Variants in RIBC1 observed in about 807,000 individuals in gnomAD.
RIBC1 encodes RIB43A-like with coiled-coils protein 1.
In RIBC1, 12 loss-of-function variants were observed where a neutral mutation model predicts 33.7. The observed-to-expected ratio is 0.36, with a 90% confidence interval of 0.23 to 0.58. The LOEUF is 0.58. Ranked by LOEUF, RIBC1 falls within the 20% of genes least tolerant of loss-of-function variation. The pLI is 0.81. For synonymous variants in RIBC1, 89 were observed against 109.0 expected, an observed-to-expected ratio of 0.82 and a Z score of 1.14; for missense variants, 242 against 311.6, an observed-to-expected ratio of 0.78 and a Z score of 1.68.
At chrX:53,430,042 C>G (rs2075814592) in intron 6 of RIBC1, 70 bp downstream of exon 6, 2 of 886,386 alleles carry the variant, frequency 2.3e-6, no homozygotes. Flanking sequence ...GAACCTTAGC[C>G]ATATTCTTCC....
intron 2 of RIBC1, among the ~76,000 whole-genome samples, chrX:53,424,167 T>A (rs1199676990): frequency 9.0e-6 from 1 of 110,995 alleles, no homozygotes; most frequent in East Asian, 2.8e-4. Flanking sequence ...GCTGAGGGGA[T>A]AAAATGGCTA....
Position 53,429,968 on chromosome X carries a change from C to T in RIBC1, c.659C>T (p.Ala220Val), listed in dbSNP as rs1403143506. The change falls in exon 6 of 8, where the codon GCG (alanine) becomes GTG (valine). Residue 220 changes from alanine to valine, a missense_variant. By Grantham distance (64) the Ala-to-Val change is moderately conservative. Transcript: ENST00000375327. ...MMCAMANANK[A>V]QAAVQAGRQR... Reference sequence around the variant, plus strand: ...TGTGCCATGGCCAACGCCAACAAAGCGCAGGTATGGCCTGAGCCATGCAGT... The same window carrying T: ...TGTGCCATGGCCAACGCCAACAAAGTGCAGGTATGGCCTGAGCCATGCAGT... The T allele has an allele frequency of 2.5e-6, 3 of 1,197,957 alleles. No individual in the cohort carries two copies. The highest frequency in any genetic ancestry group is 4.9e-4 in the Middle Eastern group (2 of 4,046).
At chrX:53,424,251 A>G (rs1231911574) in intron 2 of RIBC1, among the ~76,000 whole-genome samples, 1 of 110,338 alleles carries the variant, frequency 9.1e-6, no homozygotes, top group East Asian at 2.9e-4. Flanking sequence ...AGCCTGGGTA[A>G]CATAGCAAAA....
In RIBC1 at chrX:53,428,445, A is replaced by G. The variant is rs1556893586; in HGVS notation, c.362A>G (p.Lys121Arg). Residue 121 changes from lysine (K) to arginine (R), a missense_variant, in exon 5 of 8, where the codon AAG becomes AGG. Physicochemically the swap from Lys to Arg is conservative, Grantham distance 26 (BLOSUM62 2). Transcript: ENST00000375327. ...FSLWDPGQVW[K>R]GLPTYLSYSN... ...CTTTGGGATCCAGGCCAAGTCTGGA[A>G]GGGGCTTCCAACCTATCTTAGTTAC... 2.5e-6 allele frequency: 3 copies of G among 1,210,396 alleles called. No individual in the cohort carries two copies.
chrX:53,430,907 GC>G lies in RIBC1; in HGVS notation c.1060del (p.Gln354ArgfsTer4), dbSNP rs781951192. ...TGAGACCTCTGGACTTCTTTCACAG[GC>G]AGGATTACCTGAATTCAGTAATCTA... ...QQLANEQKAQ[Q>X]DYLNSVIYTN... On this transcript the variant is annotated frameshift_variant and splice_region_variant, in exon 8 of 8. Transcript: ENST00000375327. LOFTEE classifies it high-confidence loss of function. 1.7e-6 allele frequency: 2 copies of G among 1,210,588 alleles called. No homozygotes were observed. Among genetic ancestry groups the G allele is most frequent in the Admixed American group, 4.4e-5 (2 of 45,906 alleles).
intron 3 of RIBC1, among the ~76,000 whole-genome samples, chrX:53,426,697 A>C (rs1246199281): frequency 8.9e-6 from 1 of 111,882 alleles, no homozygotes; most frequent in African/African-American, 3.3e-5. Flanking sequence ...CCTAAAGAAT[A>C]TTTGGAGTCC....
At position 53,430,998 on chromosome X, in the gene RIBC1, GTCTA is replaced by G; in HGVS notation, c.*14_*17del. The G allele has an allele frequency of 3.3e-6, 4 of 1,211,805 alleles. No individual in the cohort carries two copies. The highest frequency in any genetic ancestry group is 3.5e-5 in the South Asian group (2 of 56,994). The stretch of plus-strand genomic sequence containing the variant: ...CACCAGCAGCCGCTAAGTTCAGGAT[GTCTA>G]TCTCTCTCTCCCTTCTCCTCCATCA... On this transcript the variant is annotated 3_prime_UTR_variant, in exon 8 of 8. Transcript: ENST00000375327.
intron 5 of RIBC1, 179 bp from the exon 6 acceptor site, chrX:53,429,675 C>T (rs1473516307): frequency 4.0e-5 from 41 of 1,030,025 alleles, no homozygotes; most frequent in African/African-American, 7.6e-5. Context: ...TTTAGTTATG[C>T]GCTTGAGAAA....
chrX:53,428,125 A>G, intron 4 of RIBC1, 41 bp downstream of exon 4: 1 of 1,199,514 alleles, frequency 8.3e-7, no homozygotes, highest in Non-Finnish European at 1.1e-6. Flanking sequence ...GGTGTAAAGA[A>G]AGAGCTCGAG....
intron 3 of RIBC1, 76 bp downstream of exon 3, chrX:53,426,469 T>G: frequency 4.4e-6 from 3 of 679,892 alleles, no homozygotes; most frequent in Non-Finnish European, 6.9e-6. Context: ...TGTGTAACAG[T>G]GCCCATGATA....
Position 53,430,945 on chromosome X carries a change from C to T in RIBC1, c.1097C>T (p.Pro366Leu). 1 of 1,211,407 alleles carries T rather than the reference C, an allele frequency of 8.3e-7. No individual in the cohort carries two copies. The highest frequency in any genetic ancestry group is 1.1e-6 in the Non-Finnish European group (1 of 895,219). Reference protein sequence around the residue: ...YLNSVIYTNQPTAQYHQQFNT... With the variant: ...YLNSVIYTNQLTAQYHQQFNT... ...AATTCAGTAATCTACACCAATCAAC[C>T]TACAGCCCAGTATCACCAGCAGTTT... Residue 366 changes from proline to leucine, a missense_variant, in exon 8 of 8, where the codon CCT (proline) becomes CTT (leucine). By Grantham distance (98) the Pro-to-Leu change is moderately conservative. Coordinates refer to ENST00000375327, the MANE Select transcript of RIBC1 (RefSeq NM_001031745.5).
At chrX:53,430,002 C>T (rs199872730) in intron 6 of RIBC1, 30 bp downstream of exon 6, 182 of 1,092,671 alleles carry the variant, frequency 1.7e-4, no homozygotes, top group Non-Finnish European at 2.2e-4. Flanking sequence ...GTACCTTGGG[C>T]TCTCCCCAAC....
chrX:53,430,142 C>G (rs2075814963), intron 6 of RIBC1, among the ~76,000 whole-genome samples, 170 bp downstream of exon 6: 2 of 112,367 alleles, frequency 1.8e-5, no homozygotes, highest in Admixed American at 9.4e-5. Flanking sequence ...AGTCACTTCT[C>G]CCCACCTCCA....
In RIBC1 at chrX:53,431,040, G is replaced by A. The variant is rs782449000; in HGVS notation, c.*52G>A. ...TTCTCCTCCATCAAGCTCACAGGTG[G>A]TTAGGAGTCAAAGAGAAAAATGCTG... On this transcript the variant is annotated 3_prime_UTR_variant, in exon 8 of 8. Coordinates refer to ENST00000375327, the MANE Select transcript of RIBC1 (RefSeq NM_001031745.5). 5 of 1,209,274 alleles carry A rather than the reference G, an allele frequency of 4.1e-6. No homozygotes were observed. The highest frequency in any genetic ancestry group is 5.6e-6 in the Non-Finnish European group (5 of 894,177).
chrX:53,422,888 T>C lies in RIBC1; in HGVS notation c.-206T>C, dbSNP rs1045908911. On this transcript the variant is annotated 5_prime_UTR_variant, in exon 1 of 8. Coordinates refer to ENST00000375327, the MANE Select transcript of RIBC1 (RefSeq NM_001031745.5). ...CCTGCGGACCAGATCCCCGGAGGAG[T>C]TGTTGCTGGGCGGAGTCAGAGCAGT... The C allele has an allele frequency of 6.9e-6, 2 of 287,931 alleles. No individual in the cohort carries two copies. Among genetic ancestry groups the C allele is most frequent in the African/African-American group, 5.6e-5 (2 of 35,829 alleles). 23.7% of individuals were successfully genotyped at this position (287,931 alleles called of 1,213,427 possible). A position where few individuals can be genotyped will look rare whatever the true frequency, so the allele number is the denominator to read the frequency against.
chrX:53,429,921 G>C lies in RIBC1; in HGVS notation c.612G>C (p.Glu204Asp). ...AQATHLARLE[E>D]SCRAAMMCAM... The stretch of plus-strand genomic sequence containing the variant: ...CCACCCATCTGGCCAGGCTGGAGGA[G>C]TCCTGTCGTGCGGCCATGATGTGTG... The change falls in exon 6 of 8, where the codon GAG becomes GAC. Residue 204 changes from glutamate to aspartate, a missense_variant. By Grantham distance (45) the Glu-to-Asp change is conservative. Coordinates refer to ENST00000375327, the MANE Select transcript of RIBC1 (RefSeq NM_001031745.5). 3.3e-6 allele frequency: 4 copies of C among 1,211,424 alleles called. No homozygotes were observed. Among genetic ancestry groups the C allele is most frequent in the Non-Finnish European group, 4.5e-6 (4 of 894,864 alleles).
rs782279212 is a variant in RIBC1 at position 53,430,501 on chromosome X, C to G, written c.769C>G (p.Pro257Ala). 1.2e-4 allele frequency: 146 copies of G among 1,208,617 alleles called. No homozygotes were observed. The highest frequency in any genetic ancestry group is 3.5e-5 in the Non-Finnish European group (31 of 894,439). Residue 257 changes from proline to alanine, a missense_variant, in exon 7 of 8, where the codon CCC becomes GCC. Pro to Ala is a conservative substitution (Grantham distance 27). Transcript: ENST00000375327. ...CACGAGTGACCTACTGACTGAAAACCCCCAGGTCGCCCAACACCCTATGGC... is the reference window on the plus strand; with the variant it reads ...CACGAGTGACCTACTGACTGAAAACGCCCAGGTCGCCCAACACCCTATGGC... ...QSTSDLLTEN[P>A]QVAQHPMAPY...
chrX:53,427,327 G>A (rs1327716252), intron 3 of RIBC1, among the ~76,000 whole-genome samples: 1 of 112,056 alleles, frequency 8.9e-6, no homozygotes, highest in African/African-American at 3.2e-5. Flanking sequence ...TGAGGCTGAA[G>A]GAAGTCAGGT....
At chrX:53,425,998 C>G (rs782418776) in intron 2 of RIBC1, among the ~76,000 whole-genome samples, 5 of 111,997 alleles carry the variant, frequency 4.5e-5, no homozygotes, top group Non-Finnish European at 9.4e-5. Context: ...CCAAAGATCA[C>G]TCTGGTAGCC....
Sources: allele counts gnomAD v4.1 joint callset (sites outside exome capture counted in the v4.1 genomes callset), GRCh38; gene constraint gnomAD v4.1.1; transcripts MANE v1.5; gene names NCBI Gene and HGNC (gene_info 2026-07-23, HGNC 2026-07-21).